The following LANCL1 variants were observed in gnomAD, a reference collection of about 807,000 sequenced individuals.
LANCL1 encodes LanC like glutathione S-transferase 1.
A neutral mutation model predicts 50.6 loss-of-function variants in LANCL1; 50 were observed. The observed-to-expected ratio is 0.99, with a 90% CI of 0.79 to 1.25. The LOEUF (loss-of-function observed/expected upper bound fraction) is 1.25, where lower values mean the gene tolerates loss of function less well. LANCL1 is among the 50% of genes most tolerant of loss of function. The probability of loss-of-function intolerance (pLI) is 0.00; values close to 1 mark genes in which losing one functional copy is unlikely to be tolerated. For missense variants in LANCL1, 532 were observed against 480.7 expected (o/e 1.11, Z -1.00); for synonymous variants, 188 against 178.6 (o/e 1.05, Z -0.42).
rs778822115 is a variant in LANCL1 at position 210,455,267 on chromosome 2, C to T, written c.247G>A (p.Ala83Thr). 2.5e-6 allele frequency: 4 copies of T among 1,609,484 alleles called. No individual in the cohort carries two copies. The East Asian group carries it at 6.7e-5, about 27-fold the overall frequency. The change falls in exon 4 of 10, where the codon GCC becomes ACC. Residue 83 changes from alanine to threonine, a missense_variant. Coordinates refer to ENST00000450366, the MANE Select transcript of LANCL1 (RefSeq NM_006055.3). Reference sequence around the variant, plus strand: ...TAGCCATGTGCTAACTGTAGGTAGGCAGGGTCCCCAAATACATCATAAAGA... The same window carrying T: ...TAGCCATGTGCTAACTGTAGGTAGGTAGGGTCCCCAAATACATCATAAAGA... ...LHLYDVFGDP[A>T]YLQLAHGYVK...
intron 4 of LANCL1, among the ~76,000 whole-genome samples, chr2:210,453,489 G>A (rs1003433023): frequency 1.3e-5 from 2 of 152,152 alleles, no homozygotes; most frequent in Non-Finnish European, 2.9e-5. Flanking sequence ...TTAGTGCTTT[G>A]ATACAAATTC....
chr2:210,443,252 G>A (rs932060812), intron 4 of LANCL1, among the ~76,000 whole-genome samples: 1 of 152,114 alleles, frequency 6.6e-6, no homozygotes, highest in Non-Finnish European at 1.5e-5. Context: ...TCCCTTTTTG[G>A]GGGGAGGGGA....
intron 4 of LANCL1, among the ~76,000 whole-genome samples, chr2:210,449,994 T>A (rs551189128): frequency 6.6e-6 from 1 of 152,094 alleles, no homozygotes; most frequent in Non-Finnish European, 1.5e-5. Context: ...AAAAACTAGT[T>A]TAAATTTCAT....
At chr2:210,462,922 ATGAG>A (rs1309586225) in intron 3 of LANCL1, among the ~76,000 whole-genome samples, 1 of 152,214 alleles carries the variant, frequency 6.6e-6, no homozygotes, top group Non-Finnish European at 1.5e-5. Flanking sequence ...TTTGTATGGA[ATGAG>A]TATCATGTCA....
intron 4 of LANCL1, among the ~76,000 whole-genome samples, chr2:210,445,799 A>AG (rs1375142076): frequency 2.6e-5 from 4 of 152,206 alleles, no homozygotes; most frequent in Admixed American, 2.6e-4. Flanking sequence ...AGAAGAATGA[A>AG]GACACACAAA....
intron 6 of LANCL1, among the ~76,000 whole-genome samples, chr2:210,440,080 G>T (rs55997801): frequency 5.6e-4 from 85 of 152,240 alleles, no homozygotes; most frequent in African/African-American, 2.0e-3. Context: ...AATAGTATTA[G>T]ATCCCAAGAA....
At chr2:210,466,107 A>G (rs1224171923) in intron 3 of LANCL1, among the ~76,000 whole-genome samples, 1 of 152,202 alleles carries the variant, frequency 6.6e-6, no homozygotes, top group Non-Finnish European at 1.5e-5. Context: ...TGGTTCCACC[A>G]ATGCTTTCTC....
chr2:210,464,382 A>C (rs1038949459), intron 3 of LANCL1, among the ~76,000 whole-genome samples: 1 of 152,186 alleles, frequency 6.6e-6, no homozygotes, highest in East Asian at 1.9e-4. Flanking sequence ...GGGGAAAAAA[A>C]GGAGTCAGTT....
intron 3 of LANCL1, among the ~76,000 whole-genome samples, chr2:210,466,884 T>C (rs1269033420): frequency 1.3e-5 from 2 of 151,914 alleles, no homozygotes; most frequent in African/African-American, 4.8e-5. Flanking sequence ...TGGGTTCAGA[T>C]AGTGTGCATG....
intron 1 of LANCL1, 32 bp downstream of exon 1, chr2:210,476,588 T>G: frequency 7.3e-7 from 1 of 1,360,916 alleles, no homozygotes; most frequent in Non-Finnish European, 9.5e-7. Context: ...CATGGCGCCT[T>G]CGCGAAAAAG....
chr2:210,465,323 G>A (rs958523052), intron 3 of LANCL1, among the ~76,000 whole-genome samples: 14 of 152,192 alleles, frequency 9.2e-5, no homozygotes, highest in African/African-American at 2.7e-4. Context: ...CACATACAAA[G>A]TGCCACTAGT....
intron 3 of LANCL1, among the ~76,000 whole-genome samples, chr2:210,456,148 T>A (rs1264844729): frequency 6.6e-6 from 1 of 152,126 alleles, no homozygotes; most frequent in Admixed American, 6.5e-5. Flanking sequence ...GACTCAAAGA[T>A]GTGGAGTAGG....
At chr2:210,454,245 C>T (rs1400185445) in intron 4 of LANCL1, among the ~76,000 whole-genome samples, 1 of 133,498 alleles carries the variant, frequency 7.5e-6, no homozygotes, top group Admixed American at 7.6e-5. Context: ...CACACACACA[C>T]ACACACACAC....
intron 3 of LANCL1, chr2:210,468,330 A>G (rs943937303): frequency 6.6e-6 from 1 of 152,154 alleles, no homozygotes; most frequent in African/African-American, 2.4e-5. Flanking sequence ...AAAATCCCCC[A>G]AAAAGTGAAC....
intron 5 of LANCL1, among the ~76,000 whole-genome samples, 158 bp from the exon 6 acceptor site, chr2:210,440,902 T>C (rs1310910311): frequency 2.0e-5 from 3 of 152,150 alleles, no homozygotes; most frequent in Admixed American, 2.0e-4. Flanking sequence ...ATCAGAGAAG[T>C]GTGTGGGACT....
intron 3 of LANCL1, among the ~76,000 whole-genome samples, chr2:210,463,016 A>C (rs1693914532): frequency 6.6e-6 from 1 of 152,204 alleles, no homozygotes; most frequent in African/African-American, 2.4e-5. Flanking sequence ...TCATATGTAG[A>C]GGCTGAGAGT....
chr2:210,451,085 T>A (rs1263490137), intron 4 of LANCL1, among the ~76,000 whole-genome samples: 1 of 152,160 alleles, frequency 6.6e-6, no homozygotes, highest in East Asian at 1.9e-4. Context: ...AACCCAAATG[T>A]CCACCAAAGA....
chr2:210,471,808 G>A, intron 3 of LANCL1, 151 bp downstream of exon 3: 1 of 740,190 alleles, frequency 1.4e-6, no homozygotes. Flanking sequence ...TGGTTGGTTG[G>A]GTTGAGGGCA....
intron 7 of LANCL1, 88 bp from the exon 8 acceptor site, chr2:210,436,480 G>A (rs115686618): frequency 7.8e-7 from 1 of 1,282,256 alleles, no homozygotes; most frequent in African/African-American, 1.5e-5. Context: ...AAGGAAAGAG[G>A]GAGATGGCTT....
Sources: gnomAD v4.1 joint callset for allele counts (sites outside exome capture counted in the v4.1 genomes callset) on GRCh38, gnomAD v4.1.1 for gene constraint, MANE v1.5 for transcripts, NCBI Gene and HGNC (gene_info 2026-07-23, HGNC 2026-07-21) for gene names.